Variants in FAF1 observed in about 807,000 individuals in gnomAD.
FAF1 encodes Fas associated factor 1.
A neutral mutation model predicts 92.5 loss-of-function variants in FAF1; 25 were observed. The ratio of observed to expected loss-of-function variants is 0.27; its 90% CI spans 0.20 to 0.38. FAF1 has a LOEUF of 0.38. Among genes scored for constraint, FAF1 ranks in the 10% least tolerant of loss-of-function variants. FAF1 has a pLI of 1.00. For synonymous variants in FAF1, 234 were observed against 273.2 expected, an observed-to-expected ratio of 0.86 and a Z score of 1.42; for missense variants, 636 against 793.3, an observed-to-expected ratio of 0.80 and a Z score of 2.38.
At chr1:50,912,363 A>G (rs1461461913) in intron 1 of FAF1, among the ~76,000 whole-genome samples, 1 of 152,172 alleles carries the variant, frequency 6.6e-6, no homozygotes, top group Non-Finnish European at 1.5e-5. Flanking sequence ...TAGAATCTAC[A>G]TTTTACAGAG....
intron 18 of FAF1, among the ~76,000 whole-genome samples, 194 bp downstream of exon 18, chr1:50,475,270 T>C (rs933727540): frequency 3.0e-4 from 46 of 152,206 alleles, no homozygotes; most frequent in Admixed American, 2.6e-3. Context: ...GGCTACTGGG[T>C]ACATATCTGC....
intron 8 of FAF1, among the ~76,000 whole-genome samples, chr1:50,613,097 C>T (rs1314396928): frequency 6.6e-6 from 1 of 152,174 alleles, no homozygotes; most frequent in South Asian, 2.1e-4. Flanking sequence ...ACTTTCCTTG[C>T]CAAGATAAAA....
At chr1:50,817,330 G>A (rs1370222824) in intron 2 of FAF1, among the ~76,000 whole-genome samples, 2 of 152,190 alleles carry the variant, frequency 1.3e-5, no homozygotes, top group Admixed American at 6.5e-5. Context: ...AAATTCTGAC[G>A]TGCTACAATA....
intron 13 of FAF1, among the ~76,000 whole-genome samples, chr1:50,548,478 C>T (rs1327414970): frequency 6.6e-6 from 1 of 152,214 alleles, no homozygotes; most frequent in Admixed American, 6.5e-5. Context: ...TAACCTTTAT[C>T]TTCACTATGA....
intron 3 of FAF1, among the ~76,000 whole-genome samples, chr1:50,796,870 C>T (rs1191256653): frequency 3.3e-5 from 5 of 152,158 alleles, no homozygotes. Flanking sequence ...TGGCTCACAC[C>T]TGTAATCCCA....
In FAF1 at chr1:50,574,897, T is replaced by TG. The variant is rs1558000831; in HGVS notation, c.1114-7667_1114-7666insC. On this transcript the variant is annotated intron_variant, in intron 12 of 18. Transcript: ENST00000396153. ...TTTAAGCATATAGAGTTGTATTAAC[T>TG]CTTTTTTTTTTTTTTTTTTTTTTTT... 1.9e-4 allele frequency among the ~76,000 whole-genome samples: 24 copies of TG among 127,072 alleles called. 2 individuals are homozygous for TG. The highest frequency in any genetic ancestry group is 7.2e-4 in the African/African-American group (22 of 30,756). 83.4% of individuals were successfully genotyped at this position (127,072 alleles called of 152,430 possible). A position where few individuals can be genotyped will look rare whatever the true frequency, so the allele number is the denominator to read the frequency against.
intron 8 of FAF1, among the ~76,000 whole-genome samples, chr1:50,607,413 C>G (rs1050866620): frequency 1.3e-5 from 2 of 152,030 alleles, no homozygotes; most frequent in African/African-American, 4.8e-5. Context: ...TTTCTCTCAC[C>G]CTGAAAACTT....
At chr1:50,886,884 G>A (rs950045732) in intron 1 of FAF1, among the ~76,000 whole-genome samples, 3 of 152,106 alleles carry the variant, frequency 2.0e-5, no homozygotes, top group Admixed American at 1.3e-4. Context: ...AATCCTCTGG[G>A]TATATACCCA....
chr1:50,838,099 TA>T (rs893390089), intron 2 of FAF1, among the ~76,000 whole-genome samples: 2 of 151,018 alleles, frequency 1.3e-5, no homozygotes, highest in African/African-American at 4.9e-5. Context: ...TATCATCCCT[TA>T]AAAAAAAATC....
intron 12 of FAF1, among the ~76,000 whole-genome samples, chr1:50,578,914 T>A (rs1417369014): frequency 6.6e-6 from 1 of 152,122 alleles, no homozygotes; most frequent in East Asian, 1.9e-4. Context: ...GTACATAAAC[T>A]GTTGATCTGT....
chr1:50,886,077 G>T (rs140005244), intron 1 of FAF1, among the ~76,000 whole-genome samples: 286 of 152,170 alleles, frequency 1.9e-3, no homozygotes, highest in African/African-American at 6.3e-3. Context: ...TTTTTGATCA[G>T]TTCATATTTT....
intron 8 of FAF1, among the ~76,000 whole-genome samples, chr1:50,649,531 A>G (rs910601122): frequency 6.6e-6 from 1 of 152,208 alleles, no homozygotes; most frequent in African/African-American, 2.4e-5. Flanking sequence ...ATATTTAATA[A>G]GTAGCTTTCT....
chr1:50,474,442 T>G (rs1489780983), intron 18 of FAF1, among the ~76,000 whole-genome samples: 1 of 152,104 alleles, frequency 6.6e-6, no homozygotes, highest in Admixed American at 6.5e-5. Flanking sequence ...CATGGGTTTT[T>G]GGGGAACAGG....
chr1:50,754,174 GC>G (rs2124515207), intron 4 of FAF1, among the ~76,000 whole-genome samples: 1 of 152,214 alleles, frequency 6.6e-6, no homozygotes, highest in Non-Finnish European at 1.5e-5. Flanking sequence ...TTTATTGGAT[GC>G]CTGACATTGT....
chr1:50,513,974 A>G (rs1457729667), intron 15 of FAF1, among the ~76,000 whole-genome samples: 1 of 152,214 alleles, frequency 6.6e-6, no homozygotes, highest in Non-Finnish European at 1.5e-5. Context: ...CAAACAGTGC[A>G]AATACAATCC....
At chr1:50,721,832 C>T (rs2124455491) in intron 6 of FAF1, among the ~76,000 whole-genome samples, 1 of 152,142 alleles carries the variant, frequency 6.6e-6, no homozygotes, top group South Asian at 2.1e-4. Context: ...CTATGTTGCC[C>T]AGCCTGGTCT....
At position 50,491,710 on chromosome 1, in the gene FAF1, A is replaced by G. The variant is rs954995277; in HGVS notation, c.1575+11T>C. On this transcript the variant is annotated intron_variant, in intron 16 of 18. Transcript: ENST00000396153. ...GAGTTCTTTATCCCAGAAGTACTTG[A>G]CCAAGCCTACCTTTGCTCTGTCAGC... The G allele has an allele frequency of 6.3e-7, 1 of 1,596,990 alleles. No homozygotes were observed. The highest frequency in any genetic ancestry group is 8.5e-7 in the Non-Finnish European group (1 of 1,170,618).
At chr1:50,761,084 CT>C (rs1420066953) in intron 4 of FAF1, among the ~76,000 whole-genome samples, 14 of 152,166 alleles carry the variant, frequency 9.2e-5, no homozygotes, top group Non-Finnish European at 4.4e-5. Flanking sequence ...ACTAGAAAAT[CT>C]AGAAGAAATG....
At position 50,788,128 on chromosome 1, in the gene FAF1, G is replaced by A. The variant is rs767731684; in HGVS notation, c.239C>T (p.Ser80Phe). 7 of 1,614,052 alleles carry A rather than the reference G, an allele frequency of 4.3e-6. No homozygotes were observed. The highest frequency in any genetic ancestry group is 5.1e-6 in the Non-Finnish European group (6 of 1,180,018). ...CATTACAGGTCGAAACGCTGAAGAAGAAGAGGAAGTAGGAGCTGAAGCTGG... is the reference window on the plus strand; with the variant it reads ...CATTACAGGTCGAAACGCTGAAGAAAAAGAGGAAGTAGGAGCTGAAGCTGG... ...SHPASAPTSS[S>F]SSAFRPVMPS... is the part of the protein sequence containing the mutation. Residue 80 changes from serine (S) to phenylalanine (F), a missense_variant, in exon 4 of 19, where the codon TCT becomes TTT. This residue lies in a region of FAF1 where 317 missense variants were observed against 342.4 expected (regional missense o/e 0.93). Coordinates refer to ENST00000396153, the MANE Select transcript of FAF1 (RefSeq NM_007051.3).
Sources: allele counts gnomAD v4.1 joint callset (sites outside exome capture counted in the v4.1 genomes callset), GRCh38; gene constraint gnomAD v4.1.1; regional missense constraint gnomAD v4.1.1; transcripts MANE v1.5; gene names NCBI Gene and HGNC (gene_info 2026-07-23, HGNC 2026-07-21).